COP1: variants seen among roughly 807,000 people sequenced by gnomAD.
COP1 encodes the protein COP1 E3 ubiquitin ligase, also known as E3 ubiquitin-protein ligase COP1.
A neutral mutation model predicts 101.3 loss-of-function variants in COP1; 24 were observed. The observed-to-expected ratio is 0.24, with a 90% CI of 0.17 to 0.33. The LOEUF (loss-of-function observed/expected upper bound fraction) is 0.33. Ranked by LOEUF, COP1 falls within the 10% of genes least tolerant of loss-of-function variation. The probability of loss-of-function intolerance (pLI) is 1.00; values close to 1 mark genes in which losing one functional copy is unlikely to be tolerated. For missense variants in COP1, 663 were observed against 906.2 expected (o/e 0.73, Z 3.45); for synonymous variants, 347 against 341.9 (o/e 1.01, Z -0.17).
intron 18 of COP1, among the ~76,000 whole-genome samples, chr1:175,948,201 T>C (rs1649423529): frequency 6.6e-6 from 1 of 152,116 alleles, no homozygotes; most frequent in African/African-American, 2.4e-5. Flanking sequence ...GGAAAAGAAA[T>C]GGACATGACT....
At position 176,085,904 on chromosome 1, in the gene COP1, A is replaced by T; in HGVS notation, c.1027-14T>A. The T allele has an allele frequency of 5.6e-6, 8 of 1,423,062 alleles. No homozygotes were observed. The highest frequency in any genetic ancestry group is 7.9e-6 in the Non-Finnish European group (8 of 1,016,670). 88.2% of individuals were successfully genotyped at this position (1,423,062 alleles called of 1,614,324 possible). A position where few individuals can be genotyped will look rare whatever the true frequency, so the allele number is the denominator to read the frequency against. On this transcript the variant is annotated splice_polypyrimidine_tract_variant and intron_variant, in intron 9 of 19. Transcript: ENST00000367669. ...CTGTTTCTTTGTCTAAAATAATAAGAAAAGACACAAAACTTAGAATAAACA... is the reference window on the plus strand; with the variant it reads ...CTGTTTCTTTGTCTAAAATAATAAGTAAAGACACAAAACTTAGAATAAACA...
At chr1:176,167,653 C>T (rs1237051470) in intron 3 of COP1, among the ~76,000 whole-genome samples, 2 of 150,488 alleles carry the variant, frequency 1.3e-5, no homozygotes, top group South Asian at 2.1e-4. Flanking sequence ...TTTCTTAGTA[C>T]AAAAAAAAAT....
chr1:175,989,278 C>T (rs561356705), intron 16 of COP1, 84 bp downstream of exon 16: 17 of 696,316 alleles, frequency 2.4e-5, no homozygotes, highest in African/African-American at 1.9e-4. Context: ...TTATAGTTTA[C>T]ATACACCCTC....
chr1:176,153,910 T>G (rs896535918), intron 5 of COP1, among the ~76,000 whole-genome samples: 1 of 152,250 alleles, frequency 6.6e-6, no homozygotes, highest in African/African-American at 2.4e-5. Flanking sequence ...TTTGCATATG[T>G]TGAACCAGTC....
intron 11 of COP1, among the ~76,000 whole-genome samples, chr1:176,070,187 A>G (rs1024694121): frequency 1.3e-5 from 2 of 152,050 alleles, no homozygotes; most frequent in African/African-American, 4.8e-5. Context: ...CTTAGAAGTT[A>G]TTTCCCTCTG....
intron 14 of COP1, among the ~76,000 whole-genome samples, chr1:176,042,123 T>C (rs1376333243): frequency 2.0e-5 from 3 of 148,430 alleles, no homozygotes; most frequent in African/African-American, 7.4e-5. Context: ...AAAAAAAAAT[T>C]AGCCGAGTGT....
At chr1:175,984,638 C>T (rs767690400) in intron 18 of COP1, among the ~76,000 whole-genome samples, 2 of 152,134 alleles carry the variant, frequency 1.3e-5, no homozygotes, top group South Asian at 4.1e-4. Context: ...CAGCTTGCAC[C>T]GTTCACCTGG....
chr1:175,953,222 T>C (rs565098575), intron 18 of COP1, among the ~76,000 whole-genome samples: 3 of 150,514 alleles, frequency 2.0e-5, no homozygotes, highest in East Asian at 3.9e-4. Flanking sequence ...AGAGAAACCA[T>C]TAAAAAATAC....
At chr1:176,113,387 G>T (rs1685616980) in intron 9 of COP1, among the ~76,000 whole-genome samples, 1 of 151,948 alleles carries the variant, frequency 6.6e-6, no homozygotes, top group Admixed American at 6.6e-5. Context: ...TTTTAAATTG[G>T]ATTATTATTT....
At chr1:176,108,567 C>T (rs1240337733) in intron 9 of COP1, among the ~76,000 whole-genome samples, 1 of 152,086 alleles carries the variant, frequency 6.6e-6, no homozygotes, top group African/African-American at 2.4e-5. Flanking sequence ...CTCCACCTAC[C>T]CTTCCCCAAT....
chr1:176,097,451 T>C (rs1394309775), intron 9 of COP1, among the ~76,000 whole-genome samples: 1 of 152,176 alleles, frequency 6.6e-6, no homozygotes, highest in Non-Finnish European at 1.5e-5. Context: ...AGACCATTAA[T>C]TCAATTAGGA....
Position 175,958,439 on chromosome 1 carries a change from T to C in COP1, c.2134-11200A>G, listed in dbSNP as rs142867398. 4.6e-3 allele frequency among the ~76,000 whole-genome samples: 698 copies of C among 152,048 alleles called. 7 individuals are homozygous for C. The highest frequency in any genetic ancestry group is 0.015 in the African/African-American group (606 of 41,550). ...ATTTCCCCCAAAATAAGGCACTGAA[T>C]TATCAAAAAGAAAGGTAAATATTTT... is the stretch of plus-strand genomic sequence containing the variant. On this transcript the variant is annotated intron_variant, in intron 18 of 19. Transcript: ENST00000367669.
intron 11 of COP1, among the ~76,000 whole-genome samples, chr1:176,078,904 T>C (rs1468801087): frequency 6.6e-6 from 1 of 152,088 alleles, no homozygotes; most frequent in African/African-American, 2.4e-5. Flanking sequence ...TCAGCATCAC[T>C]AATCATCAGA....
chr1:176,015,487 A>G (rs1665461008), intron 15 of COP1, among the ~76,000 whole-genome samples: 1 of 152,004 alleles, frequency 6.6e-6, no homozygotes, highest in Non-Finnish European at 1.5e-5. Flanking sequence ...TTTGAGGGGA[A>G]GGCAGGGATT....
At chr1:176,029,096 T>C (rs1205396675) in intron 14 of COP1, among the ~76,000 whole-genome samples, 1 of 152,148 alleles carries the variant, frequency 6.6e-6, no homozygotes, top group Non-Finnish European at 1.5e-5. Flanking sequence ...TATACTGATA[T>C]ACATCATAAA....
intron 15 of COP1, among the ~76,000 whole-genome samples, chr1:175,997,503 A>T (rs1660473072): frequency 6.6e-6 from 1 of 152,168 alleles, no homozygotes. Context: ...TACTCATCTG[A>T]CAAAGGGCTA....
At chr1:176,193,936 G>A (rs1473079003) in intron 1 of COP1, among the ~76,000 whole-genome samples, 1 of 152,196 alleles carries the variant, frequency 6.6e-6, no homozygotes, top group African/African-American at 2.4e-5. Context: ...TTTCAGGGTT[G>A]TGAGAATTTC....
intron 14 of COP1, among the ~76,000 whole-genome samples, chr1:176,031,453 A>G (rs61820960): frequency 0.11 from 16,380 of 152,206 alleles, 969 homozygotes; most frequent in Middle Eastern, 0.16. Flanking sequence ...GGTAGTAAGA[A>G]TTTCATTTAA....
intron 15 of COP1, among the ~76,000 whole-genome samples, chr1:176,009,071 C>T (rs570596871): frequency 1.3e-5 from 2 of 152,182 alleles, no homozygotes; most frequent in African/African-American, 4.8e-5. Flanking sequence ...GCACACTACA[C>T]CTGGCACATG....
Sources: gnomAD v4.1 joint callset for allele counts (sites outside exome capture counted in the v4.1 genomes callset) on GRCh38, gnomAD v4.1.1 for gene constraint, MANE v1.5 for transcripts, NCBI Gene and HGNC (gene_info 2026-07-23, HGNC 2026-07-21) for gene names.